Variants in RPS6KA5 observed in about 807,000 individuals in gnomAD.
The protein encoded by RPS6KA5 is ribosomal protein S6 kinase alpha-5.
In RPS6KA5, 27 loss-of-function variants were observed where a neutral mutation model predicts 85.5. That is an observed-to-expected ratio of 0.32 (90% CI 0.23 to 0.44). The LOEUF (loss-of-function observed/expected upper bound fraction) is 0.44. Among genes scored for constraint, RPS6KA5 ranks in the 20% least tolerant of loss-of-function variants. The pLI is 1.00. For synonymous variants in RPS6KA5, 334 were observed against 348.2 expected (o/e 0.96, Z 0.46); for missense variants, 811 against 980.9 (o/e 0.83, Z 2.31).
In RPS6KA5 at chr14:90,853,363, C is replaced by A. The variant is rs1186724443; in HGVS notation, c.*18711G>T. ...AATTTCAAAGAGTAGATTCATCAAA[C>A]TAAGATCTCCCATTAAGACATCAAC... is the stretch of plus-strand genomic sequence containing the variant. On this transcript the variant is annotated 3_prime_UTR_variant, in exon 17 of 17. Coordinates refer to ENST00000614987, the MANE Select transcript of RPS6KA5 (RefSeq NM_004755.4). 6.6e-6 allele frequency: 1 copy of A among 151,948 alleles called. No homozygotes were observed. The highest frequency in any genetic ancestry group is 1.5e-5 in the Non-Finnish European group (1 of 67,980). 9.4% of individuals were successfully genotyped at this position (151,948 alleles called of 1,614,324 possible).
At chr14:91,024,837 T>A (rs1002227198) in intron 1 of RPS6KA5, among the ~76,000 whole-genome samples, 4 of 152,186 alleles carry the variant, frequency 2.6e-5, no homozygotes, top group African/African-American at 9.6e-5. Flanking sequence ...ATGTGTTTTG[T>A]CTAAAGTTTT....
At chr14:91,009,110 C>T (rs1360186609) in intron 1 of RPS6KA5, among the ~76,000 whole-genome samples, 2 of 152,120 alleles carry the variant, frequency 1.3e-5, no homozygotes, top group Admixed American at 1.3e-4. Context: ...CCCTATTGGC[C>T]CCTGCTATGG....
At chr14:90,918,685 T>A (rs565149241) in intron 7 of RPS6KA5, among the ~76,000 whole-genome samples, 1 of 152,322 alleles carries the variant, frequency 6.6e-6, no homozygotes, top group Admixed American at 6.5e-5. Flanking sequence ...TTTGAGTTAA[T>A]TTTTCTATAT....
At chr14:90,890,054 A>T (rs1417511083) in intron 14 of RPS6KA5, among the ~76,000 whole-genome samples, 1 of 152,234 alleles carries the variant, frequency 6.6e-6, no homozygotes, top group Non-Finnish European at 1.5e-5. Flanking sequence ...CGTAGTAGAA[A>T]TATTTCTAAT....
At chr14:91,012,593 G>A (rs1447672395) in intron 1 of RPS6KA5, among the ~76,000 whole-genome samples, 2 of 152,168 alleles carry the variant, frequency 1.3e-5, no homozygotes, top group East Asian at 1.9e-4. Flanking sequence ...TCCCCTGTCT[G>A]CCCAGGTTTC....
At chr14:90,899,251 C>G (rs1268084229) in intron 12 of RPS6KA5, 78 bp downstream of exon 12, 1 of 1,013,808 alleles carries the variant, frequency 9.9e-7, no homozygotes, top group African/African-American at 1.6e-5. Context: ...CCCAGCAGCA[C>G]CAACAAAACG....
At chr14:91,035,811 TA>T (rs2042374433) in intron 1 of RPS6KA5, among the ~76,000 whole-genome samples, 1 of 100,246 alleles carries the variant, frequency 1.0e-5, no homozygotes, top group African/African-American at 4.3e-5. Flanking sequence ...CAGAAGATGC[TA>T]ATCAAAGCAT....
chr14:90,904,420 G>C (rs934164241), intron 8 of RPS6KA5, among the ~76,000 whole-genome samples: 7 of 152,114 alleles, frequency 4.6e-5, no homozygotes, highest in Non-Finnish European at 8.8e-5. Flanking sequence ...TCCTTTATTT[G>C]ATCCAGTGAA....
At chr14:91,019,368 G>A (rs2041644555) in intron 1 of RPS6KA5, among the ~76,000 whole-genome samples, 2 of 152,136 alleles carry the variant, frequency 1.3e-5, no homozygotes, top group African/African-American at 4.8e-5. Context: ...GGCCTTAACA[G>A]AACAAAAAGA....
At chr14:90,916,801 G>C (rs1822771665) in intron 7 of RPS6KA5, among the ~76,000 whole-genome samples, 1 of 152,138 alleles carries the variant, frequency 6.6e-6, no homozygotes, top group Non-Finnish European at 1.5e-5. Context: ...ATTTGCTTTA[G>C]TTGTAAGGTT....
chr14:91,043,984 T>C lies in RPS6KA5; in HGVS notation c.103+16348A>G, dbSNP rs151057263. On this transcript the variant is annotated intron_variant, in intron 1 of 16. Transcript: ENST00000614987. Reference sequence around the variant, plus strand: ...GCTCACGCCTGTAATACCAGCACTTTTGGCGGCCAAGGAGGGTGGATCACC... The same window carrying C: ...GCTCACGCCTGTAATACCAGCACTTCTGGCGGCCAAGGAGGGTGGATCACC... Among the ~76,000 whole-genome samples the C allele has an allele frequency of 1.5e-3, 224 of 152,230 alleles. 1 individual carries two copies. The highest frequency in any genetic ancestry group is 4.7e-3 in the African/African-American group (197 of 41,524).
At chr14:91,028,173 T>C (rs907905388) in intron 1 of RPS6KA5, among the ~76,000 whole-genome samples, 57 of 152,300 alleles carry the variant, frequency 3.7e-4, no homozygotes, top group Middle Eastern at 3.4e-3. Context: ...AAGCGAGCTA[T>C]TGCCAACTTT....
intron 3 of RPS6KA5, among the ~76,000 whole-genome samples, chr14:90,973,736 T>G (rs1286893173): frequency 6.6e-6 from 1 of 152,030 alleles, no homozygotes; most frequent in Non-Finnish European, 1.5e-5. Context: ...CACGTTATAT[T>G]ATGTTAAAAC....
chr14:90,967,566 T>C (rs1184675184), intron 3 of RPS6KA5, among the ~76,000 whole-genome samples: 2 of 152,220 alleles, frequency 1.3e-5, no homozygotes, highest in African/African-American at 4.8e-5. Flanking sequence ...TATGAATGTT[T>C]AACATATATT....
intron 16 of RPS6KA5, among the ~76,000 whole-genome samples, chr14:90,872,617 T>A (rs2033195790): frequency 6.6e-6 from 1 of 152,164 alleles, no homozygotes; most frequent in African/African-American, 2.4e-5. Context: ...AACAATTGAC[T>A]GGAAATTCCT....
At chr14:91,060,262 C>A (rs1377054684) in intron 1 of RPS6KA5, 70 bp downstream of exon 1, 2 of 1,017,250 alleles carry the variant, frequency 2.0e-6, no homozygotes, top group African/African-American at 1.7e-5. Context: ...CCCAGCCCCG[C>A]GCGGGCACCC....
chr14:91,037,711 C>T (rs1204103169), intron 1 of RPS6KA5, among the ~76,000 whole-genome samples: 1 of 152,212 alleles, frequency 6.6e-6, no homozygotes, highest in Non-Finnish European at 1.5e-5. Flanking sequence ...CATGTCCAAG[C>T]TTCAAGAAAC....
At chr14:90,892,375 T>A (rs1375433318) in intron 13 of RPS6KA5, among the ~76,000 whole-genome samples, 1 of 152,202 alleles carries the variant, frequency 6.6e-6, no homozygotes, top group Non-Finnish European at 1.5e-5. Flanking sequence ...AATCCATTCC[T>A]CCTATTCCGG....
intron 7 of RPS6KA5, among the ~76,000 whole-genome samples, chr14:90,913,266 C>A (rs1274409933): frequency 1.3e-5 from 2 of 152,074 alleles, no homozygotes; most frequent in Admixed American, 1.3e-4. Flanking sequence ...AGGTCTCCTA[C>A]TACACTGCTG....
Sources: allele counts gnomAD v4.1 joint callset (sites outside exome capture counted in the v4.1 genomes callset), GRCh38; gene constraint gnomAD v4.1.1; transcripts MANE v1.5; gene names NCBI Gene and HGNC (gene_info 2026-07-23, HGNC 2026-07-21).